KCNC1: variants seen among roughly 807,000 people sequenced by gnomAD.
The protein encoded by KCNC1 is potassium voltage-gated channel subfamily C member 1.
A neutral mutation model predicts 43.4 loss-of-function variants in KCNC1; 8 were observed. That is an observed-to-expected ratio of 0.18 (90% CI 0.11 to 0.33). The LOEUF (loss-of-function observed/expected upper bound fraction) is 0.33. Among genes scored for constraint, KCNC1 ranks in the 10% least tolerant of loss-of-function variants. KCNC1 has a pLI of 1.00. For synonymous variants in KCNC1, 361 were observed against 360.5 expected (o/e 1.00, Z -0.01); for missense variants, 420 against 836.0 (o/e 0.50, Z 6.14).
At chr11:17,755,712 C>T (rs997346479) in intron 1 of KCNC1, among the ~76,000 whole-genome samples, 7 of 152,018 alleles carry the variant, frequency 4.6e-5, no homozygotes, top group South Asian at 4.1e-4. Context: ...GTTCAGTTGA[C>T]GTGTTGAGTT....
At chr11:17,749,163 C>T (rs1848936914) in intron 1 of KCNC1, among the ~76,000 whole-genome samples, 2 of 152,194 alleles carry the variant, frequency 1.3e-5, no homozygotes, top group Admixed American at 1.3e-4. Context: ...TAGTAAGTCT[C>T]AGTCACCTCA....
chr11:17,744,969 T>C (rs1170304271), intron 1 of KCNC1, among the ~76,000 whole-genome samples: 2 of 152,066 alleles, frequency 1.3e-5, no homozygotes. Flanking sequence ...CATTGGGGCC[T>C]GAGAGGTGTG....
intron 1 of KCNC1, among the ~76,000 whole-genome samples, chr11:17,744,743 A>G (rs59267268): frequency 0.059 from 9,044 of 152,000 alleles, 525 homozygotes; most frequent in African/African-American, 0.15. Flanking sequence ...CTGTGCTGGA[A>G]GGGCCAGGGC....
rs867638246 is a variant in KCNC1, at chr11:17,773,147, T to G, written c.1504+549T>G. On this transcript the variant is annotated intron_variant, in intron 2 of 3. Transcript: ENST00000265969. This position sits in a 1 kb window ranked among gnomAD's most constrained non-coding sequence, Gnocchi z 4.1. ...CCCCGGCAGAGCCTGTCTCCATAGCTGAGTAGAATTCCTGCCCTGATTTCG... is the reference window on the plus strand; with the variant it reads ...CCCCGGCAGAGCCTGTCTCCATAGCGGAGTAGAATTCCTGCCCTGATTTCG... 3.0e-6 allele frequency: 3 copies of G among 988,032 alleles called. No homozygotes were observed. The highest frequency in any genetic ancestry group is 1.0e-3 in the Middle Eastern group (2 of 1,914). The allele number at this position is 988,032 out of a possible 1,614,324, so 61.2% of individuals were successfully genotyped here.
At position 17,779,351 on chromosome 11, in the gene KCNC1, A is replaced by G. The variant is rs1849320659; in HGVS notation, c.1505-105A>G. 6 of 917,294 alleles carry G rather than the reference A, an allele frequency of 6.5e-6. No homozygotes were observed. The highest frequency in any genetic ancestry group is 9.3e-6 in the Non-Finnish European group (6 of 643,840). The allele number at this position is 917,294 out of a possible 1,614,324, so 56.8% of individuals were successfully genotyped here. A position where few individuals can be genotyped will look rare whatever the true frequency, so the allele number is the denominator to read the frequency against. On this transcript the variant is annotated intron_variant, in intron 2 of 3. Coordinates refer to ENST00000265969, the MANE Select transcript of KCNC1 (RefSeq NM_001112741.2). The surrounding 1 kb of genome is among the most constrained non-coding windows in gnomAD (Gnocchi z 7.2). ...CCTGCCCGCTTTTCCGTCCTCAGGGACGCTCAAGCTGCCCTCTGCCAATAC... is the reference window on the plus strand; with the variant it reads ...CCTGCCCGCTTTTCCGTCCTCAGGGGCGCTCAAGCTGCCCTCTGCCAATAC...
At chr11:17,760,700 A>AC (rs1849067754) in intron 1 of KCNC1, among the ~76,000 whole-genome samples, 1 of 152,184 alleles carries the variant, frequency 6.6e-6, no homozygotes, top group African/African-American at 2.4e-5. Flanking sequence ...GGACCTCTGC[A>AC]CGCGCTGCCT....
Position 17,779,417 on chromosome 11 carries a change from T to G in KCNC1, c.1505-39T>G. 3 of 1,440,030 alleles carry G rather than the reference T, an allele frequency of 2.1e-6. No homozygotes were observed. The highest frequency in any genetic ancestry group is 2.8e-6 in the Non-Finnish European group (3 of 1,089,640). The allele number at this position is 1,440,030 out of a possible 1,614,324, so 89.2% of individuals were successfully genotyped here. On this transcript the variant is annotated intron_variant, in intron 2 of 3. Coordinates refer to ENST00000265969, the MANE Select transcript of KCNC1 (RefSeq NM_001112741.2). This position sits in a 1 kb window ranked among gnomAD's most constrained non-coding sequence, Gnocchi z 7.2. Reference sequence around the variant, plus strand: ...TCCCCCCCTGCCCCCCACTAAACAGTTTTCAGTGTCTCAATAGCTTCTGCT... The same window carrying G: ...TCCCCCCCTGCCCCCCACTAAACAGGTTTCAGTGTCTCAATAGCTTCTGCT...
At position 17,736,507 on chromosome 11, in the gene KCNC1, T is replaced by C; in HGVS notation, c.505T>C (p.Trp169Arg). 1 of 1,589,684 alleles carries C rather than the reference T, an allele frequency of 6.3e-7. No homozygotes were observed. Among genetic ancestry groups the C allele is most frequent in the African/African-American group, 1.3e-5 (1 of 74,500 alleles). The part of the protein sequence containing the change: ...DSPDGRPGGF[W>R]RRWQPRIWAL... ...CCCGGATGGCCGGCCTGGCGGCTTT[T>C]GGCGCCGCTGGCAGCCGCGCATCTG... Residue 169 changes from tryptophan (W) to arginine (R), a missense_variant, in exon 1 of 4, where the codon TGG becomes CGG. By Grantham distance (101) the Trp-to-Arg change is moderately radical. Around this residue, in one of 5 missense-constraint regions of KCNC1, gnomAD observed 151 missense variants for 216.7 expected, o/e 0.70. Transcript: ENST00000265969. This position sits in a 1 kb window ranked among gnomAD's most constrained non-coding sequence, Gnocchi z 9.3.
rs1278123255 is a variant in KCNC1 at position 17,776,898 on chromosome 11, C to T, written c.1505-2558C>T. The T allele has an allele frequency of 1.0e-6, 1 of 985,248 alleles. No homozygotes were observed. Among genetic ancestry groups the T allele is most frequent in the Non-Finnish European group, 1.2e-6 (1 of 829,946 alleles). The allele number at this position is 985,248 out of a possible 1,614,324, so 61.0% of individuals were successfully genotyped here. On this transcript the variant is annotated intron_variant, in intron 2 of 3. Transcript: ENST00000265969. The surrounding 1 kb of genome is among the most constrained non-coding windows in gnomAD (Gnocchi z 4.4). ...GCATCTTAAACCATAGATAGACGAA[C>T]AGCCCAGGGGCCTGGGCCCCTTCAC...
In KCNC1 at chr11:17,736,503, CT is replaced by C. The variant is rs1237139321; in HGVS notation, c.505del (p.Trp169GlyfsTer51). The C allele has an allele frequency of 4.4e-6, 7 of 1,591,388 alleles. No homozygotes were observed. The highest frequency in any genetic ancestry group is 3.4e-5 in the Admixed American group (2 of 58,246). On this transcript the variant is annotated frameshift_variant, in exon 1 of 4. Transcript: ENST00000265969. LOFTEE classifies it high-confidence loss of function. This position sits in a 1 kb window ranked among gnomAD's most constrained non-coding sequence, Gnocchi z 9.3. Reference sequence around the variant, plus strand: ...ACTCCCCGGATGGCCGGCCTGGCGGCTTTTGGCGCCGCTGGCAGCCGCGCAT... The same window carrying C: ...ACTCCCCGGATGGCCGGCCTGGCGGCTTTGGCGCCGCTGGCAGCCGCGCAT... Reference protein sequence around the residue: ...SDSPDGRPGGFWRRWQPRIWA... With the variant: ...SDSPDGRPGGXWRRWQPRIWA...
In KCNC1 at chr11:17,779,618, G is replaced by A; in HGVS notation, c.1667G>A (p.Cys556Tyr). 2.6e-6 allele frequency: 4 copies of A among 1,549,400 alleles called. No individual in the cohort carries two copies. The highest frequency in any genetic ancestry group is 3.5e-6 in the Non-Finnish European group (4 of 1,146,170). The change falls in exon 3 of 4, where the codon TGC becomes TAC. Residue 556 changes from cysteine (C) to tyrosine (Y), a missense_variant. By Grantham distance (194) the Cys-to-Tyr change is radical. Transcript: ENST00000265969. This position sits in a 1 kb window ranked among gnomAD's most constrained non-coding sequence, Gnocchi z 7.2. The part of the protein sequence containing the change: ...CFLLSTGEYA[C>Y]PPGGGMRKDL... ...CTCTTATCAACCGGGGAGTACGCGT[G>A]CCCACCTGGTGGAGGAATGAGAAAG... is the stretch of plus-strand genomic sequence containing the variant.
chr11:17,765,475 G>T (rs1849137666), intron 1 of KCNC1, among the ~76,000 whole-genome samples: 2 of 152,292 alleles, frequency 1.3e-5, no homozygotes, highest in South Asian at 2.1e-4. Flanking sequence ...ATTTTCTTAA[G>T]TCAACAGATC....
chr11:17,742,187 T>TCACAGGTG lies in KCNC1; in HGVS notation c.570+5617_570+5624dup, dbSNP rs1848850666. On this transcript the variant is annotated intron_variant, in intron 1 of 3. Transcript: ENST00000265969. The surrounding 1 kb of genome is among the most constrained non-coding windows in gnomAD (Gnocchi z 4.2). ...AAACTCGTATCTCCTGACTCCTGGCTCACAGGTGCTTTGTGTCACATCGCC... is the reference window on the plus strand; with the variant it reads ...AAACTCGTATCTCCTGACTCCTGGCTCACAGGTGCACAGGTGCTTTGTGTCACATCGCC... 6.6e-6 allele frequency among the ~76,000 whole-genome samples: 1 copy of TCACAGGTG among 152,220 alleles called. No individual in the cohort carries two copies. The highest frequency in any genetic ancestry group is 2.1e-4 in the South Asian group (1 of 4,832).
At position 17,773,424 on chromosome 11, in the gene KCNC1, G is replaced by T. The variant is rs1849253571; in HGVS notation, c.1504+826G>T. 2.0e-6 allele frequency: 2 copies of T among 985,270 alleles called. No homozygotes were observed. Among genetic ancestry groups the T allele is most frequent in the South Asian group, 4.7e-5 (1 of 21,278 alleles). 61.0% of individuals were successfully genotyped at this position (985,270 alleles called of 1,614,324 possible). ...CTAGAGGGGGCCACCACCCTGGGCA[G>T]CTTAGATGAAAGCGCTACAGACCAG... On this transcript the variant is annotated intron_variant, in intron 2 of 3. Transcript: ENST00000265969. The surrounding 1 kb of genome is among the most constrained non-coding windows in gnomAD (Gnocchi z 4.1).
At chr11:17,750,427 G>T (rs568157546) in intron 1 of KCNC1, among the ~76,000 whole-genome samples, 4 of 152,268 alleles carry the variant, frequency 2.6e-5, no homozygotes, top group African/African-American at 9.6e-5. Flanking sequence ...CCAGGCGCTG[G>T]CTTCCCTTCT....
intron 1 of KCNC1, among the ~76,000 whole-genome samples, chr11:17,757,662 G>A (rs1327145613): frequency 6.6e-6 from 1 of 152,178 alleles, no homozygotes; most frequent in African/African-American, 2.4e-5. Context: ...CAGCAATAAA[G>A]TGAATATCAC....
At chr11:17,778,046 A>G (rs1380541976) in intron 2 of KCNC1, among the ~76,000 whole-genome samples, 2 of 152,082 alleles carry the variant, frequency 1.3e-5, no homozygotes, top group African/African-American at 2.4e-5. Context: ...GTCGTGCCCA[A>G]GTTGGTTTCC....
chr11:17,749,902 C>T (rs1363054259), intron 1 of KCNC1, among the ~76,000 whole-genome samples: 5 of 152,236 alleles, frequency 3.3e-5, no homozygotes, highest in African/African-American at 1.2e-4. Flanking sequence ...TTAGGAGAAT[C>T]CGTCAGACCA....
Position 17,772,003 on chromosome 11 carries a change from C to T in KCNC1, c.909C>T (p.Ala303=). The T allele has an allele frequency of 6.2e-7, 1 of 1,614,050 alleles. No homozygotes were observed. Among genetic ancestry groups the T allele is most frequent in the Non-Finnish European group, 8.5e-7 (1 of 1,180,036 alleles). Residue 303 remains alanine (A), a synonymous_variant, in exon 2 of 4, where the codon GCC becomes GCT. Coordinates refer to ENST00000265969, the MANE Select transcript of KCNC1 (RefSeq NM_001112741.2). ...VGLSGLSSKA[A]KDVLGFLRVV... is the part of the protein sequence containing the mutation. ...TGAGCGGCCTGTCCTCCAAGGCAGC[C>T]AAGGACGTGCTGGGCTTCCTGCGCG...
Sources: allele counts gnomAD v4.1 joint callset (sites outside exome capture counted in the v4.1 genomes callset), GRCh38; gene constraint gnomAD v4.1.1; regional missense constraint gnomAD v4.1.1; non-coding constraint Gnocchi (gnomAD v3.1); transcripts MANE v1.5; gene names NCBI Gene and HGNC (gene_info 2026-07-23, HGNC 2026-07-21).